Variants in PKNOX1 observed in about 807,000 individuals in gnomAD.
PKNOX1 encodes the protein PBX/knotted 1 homeobox 1, also known as homeobox protein PKNOX1.
In PKNOX1, 15 loss-of-function variants were observed where a neutral mutation model predicts 51.9. That is an observed-to-expected ratio of 0.29 (90% confidence interval 0.19 to 0.45). The LOEUF (loss-of-function observed/expected upper bound fraction) is 0.45, where lower values mean the gene tolerates loss of function less well. Ranked by LOEUF, PKNOX1 falls within the 20% of genes least tolerant of loss-of-function variation. The pLI is 1.00. For missense variants in PKNOX1, 462 were observed against 547.5 expected, an observed-to-expected ratio of 0.84 and a Z score of 1.56; for synonymous variants, 219 against 211.1, an observed-to-expected ratio of 1.04 and a Z score of -0.32.
At chr21:43,029,424 G>GTTTCTTT (rs1980134805) in intron 10 of PKNOX1, among the ~76,000 whole-genome samples, 1 of 63,304 alleles carries the variant, frequency 1.6e-5, no homozygotes, top group Non-Finnish European at 2.9e-5. Context: ...TGTTTGCTTT[G>GTTTCTTT]TTTTTTTTTT....
intron 7 of PKNOX1, 120 bp downstream of exon 7, chr21:43,018,350 G>C (rs1979594706): frequency 3.2e-6 from 2 of 622,912 alleles, no homozygotes; most frequent in Non-Finnish European, 5.8e-6. Context: ...AGCAATTTCT[G>C]GTTTCTCTGA....
chr21:43,002,406 C>G (rs1250794687), intron 1 of PKNOX1, among the ~76,000 whole-genome samples: 2 of 50,186 alleles, frequency 4.0e-5, no homozygotes, highest in African/African-American at 5.8e-5. Flanking sequence ...TTGACTGTGC[C>G]CCCTCCCTTG....
intron 1 of PKNOX1, 72 bp from the exon 2 acceptor site, chr21:43,004,254 A>C (rs1315745545): frequency 2.0e-5 from 13 of 646,614 alleles, no homozygotes; most frequent in Non-Finnish European, 3.1e-5. Flanking sequence ...AAAAAATTTG[A>C]TGTTATGGAA....
intron 4 of PKNOX1, among the ~76,000 whole-genome samples, chr21:43,010,514 C>T (rs1830526526): frequency 6.6e-6 from 1 of 151,966 alleles, no homozygotes; most frequent in South Asian, 2.1e-4. Context: ...AGCAATCTTC[C>T]CTCCTCAGTC....
intron 5 of PKNOX1, among the ~76,000 whole-genome samples, chr21:43,016,314 G>T (rs1979486738): frequency 6.6e-6 from 1 of 152,202 alleles, no homozygotes; most frequent in East Asian, 1.9e-4. Flanking sequence ...CATTTGCATG[G>T]GGCTCGCTGT....
At chr21:42,990,596 T>A (rs1317560947) in intron 1 of PKNOX1, among the ~76,000 whole-genome samples, 1 of 152,176 alleles carries the variant, frequency 6.6e-6, no homozygotes, top group Non-Finnish European at 1.5e-5. Flanking sequence ...GGAAAGATGT[T>A]TTCCTTCTAC....
chr21:43,006,821 G>C (rs1490442179), intron 2 of PKNOX1, among the ~76,000 whole-genome samples: 1 of 152,250 alleles, frequency 6.6e-6, no homozygotes, highest in Non-Finnish European at 1.5e-5. Flanking sequence ...GGTCAGGACA[G>C]TCTAATCTGC....
At chr21:43,000,822 C>T (rs1273488229) in intron 1 of PKNOX1, among the ~76,000 whole-genome samples, 3 of 152,016 alleles carry the variant, frequency 2.0e-5, no homozygotes, top group Non-Finnish European at 4.4e-5. Context: ...AGTCGGGGCC[C>T]CAGTGAGCTA....
At chr21:43,029,652 T>C (rs13049534) in intron 10 of PKNOX1, among the ~76,000 whole-genome samples, 3 of 149,446 alleles carry the variant, frequency 2.0e-5, no homozygotes, top group African/African-American at 4.8e-5. Flanking sequence ...AGGATGGTCT[T>C]GATCTCCTGA....
chr21:43,029,489 G>T (rs761403859), intron 10 of PKNOX1, among the ~76,000 whole-genome samples: 1 of 128,356 alleles, frequency 7.8e-6, no homozygotes, highest in Non-Finnish European at 1.6e-5. Flanking sequence ...GTGCAATGGC[G>T]CAATCTCGGC....
intron 1 of PKNOX1, among the ~76,000 whole-genome samples, chr21:42,987,425 A>ATATATATATATATG (rs1484433341): frequency 8.1e-5 from 11 of 135,088 alleles, no homozygotes; most frequent in African/African-American, 2.8e-4. Context: ...ATATATATAT[A>ATATATATATATATG]TATGTATACT....
rs375144575 is a variant in PKNOX1, at chr21:43,028,661, C to T, written c.927-41C>T. 3.8e-5 allele frequency: 60 copies of T among 1,594,918 alleles called. No individual in the cohort carries two copies. The African/African-American group carries it at 4.3e-4, about 11-fold the overall frequency. ...TTGTTAATCCTGTATAGGGTCTTTA[C>T]GAAGGCTGTTTTCATGGAAGCTTCT... is the stretch of plus-strand genomic sequence containing the variant. On this transcript the variant is annotated intron_variant, in intron 9 of 10. Coordinates refer to ENST00000291547, the MANE Select transcript of PKNOX1 (RefSeq NM_004571.5).
chr21:43,029,038 G>T, intron 10 of PKNOX1, 164 bp downstream of exon 10: 1 of 677,114 alleles, frequency 1.5e-6, no homozygotes, highest in Admixed American at 2.3e-5. Flanking sequence ...TGCATTCTGC[G>T]TGCACGGGAG....
intron 1 of PKNOX1, among the ~76,000 whole-genome samples, chr21:42,975,811 A>G (rs902567713): frequency 1.3e-5 from 2 of 152,236 alleles, no homozygotes; most frequent in South Asian, 2.1e-4. Flanking sequence ...TTTTTAAAAC[A>G]GTAGATGATT....
In PKNOX1 at chr21:43,030,008, C is replaced by T. The variant is rs749886367; in HGVS notation, c.1218C>T (p.Asp406=). ...TCATGATGGCAGGGCAGAGCGAGGA[C>T]GAGTCTGTGGACAGCACAGAGGAGG... is the stretch of plus-strand genomic sequence containing the variant. ...QQVMMAGQSE[D]ESVDSTEEDA... is the part of the protein sequence containing the mutation. Residue 406 remains aspartate, a synonymous_variant, in exon 11 of 11, where the codon GAC becomes GAT. Coordinates refer to ENST00000291547, the MANE Select transcript of PKNOX1 (RefSeq NM_004571.5). The T allele has an allele frequency of 1.7e-5, 27 of 1,613,904 alleles. No individual in the cohort carries two copies. The East Asian group carries it at 2.7e-4, about 16-fold the overall frequency.
At chr21:42,989,960 G>T (rs929624498) in intron 1 of PKNOX1, among the ~76,000 whole-genome samples, 1 of 152,078 alleles carries the variant, frequency 6.6e-6, no homozygotes, top group African/African-American at 2.4e-5. Context: ...TAAACCGGGT[G>T]TGGTGGTGCA....
intron 1 of PKNOX1, among the ~76,000 whole-genome samples, chr21:42,988,342 C>T (rs1479195842): frequency 3.3e-5 from 5 of 152,310 alleles, no homozygotes; most frequent in African/African-American, 4.8e-5. Flanking sequence ...AGCCACTGTG[C>T]CCGGCCAGCC....
intron 1 of PKNOX1, among the ~76,000 whole-genome samples, chr21:42,995,221 C>T (rs572510007): frequency 6.6e-6 from 1 of 152,078 alleles, no homozygotes; most frequent in Admixed American, 6.6e-5. Context: ...CACACCTGGC[C>T]GTTTACTTTT....
In PKNOX1 at chr21:43,031,878, TGAGACAGAG is replaced by T; in HGVS notation, c.*1778_*1786del. On this transcript the variant is annotated 3_prime_UTR_variant, in exon 11 of 11. Coordinates refer to ENST00000291547, the MANE Select transcript of PKNOX1 (RefSeq NM_004571.5). ...TGGGGAGAGAATGACATTTTTTTTTTGAGACAGAGTTTTGCTCTTGTTGCCCAGGCTGGA... is the reference window on the plus strand; with the variant it reads ...TGGGGAGAGAATGACATTTTTTTTTTTTTTGCTCTTGTTGCCCAGGCTGGA... 1.8e-5 allele frequency: 3 copies of T among 167,264 alleles called. No individual in the cohort carries two copies. The highest frequency in any genetic ancestry group is 2.6e-5 in the Non-Finnish European group (2 of 76,140). 10.4% of individuals were successfully genotyped at this position (167,264 alleles called of 1,614,324 possible). A position where few individuals can be genotyped will look rare whatever the true frequency, so the allele number is the denominator to read the frequency against.
Sources: allele counts gnomAD v4.1 joint callset (sites outside exome capture counted in the v4.1 genomes callset), GRCh38; gene constraint gnomAD v4.1.1; transcripts MANE v1.5; gene names NCBI Gene and HGNC (gene_info 2026-07-23, HGNC 2026-07-21).